Variants in CDC42SE1 observed in about 807,000 individuals in gnomAD.
The protein encoded by CDC42SE1 is CDC42 small effector protein 1.
Under a neutral mutation model 10.9 loss-of-function variants are expected in CDC42SE1, and 10 were observed. The observed-to-expected ratio is 0.92, with a 90% CI of 0.57 to 1.56. The LOEUF is 1.56. CDC42SE1 is among the 40% of genes most tolerant of loss of function. The pLI, the probability that CDC42SE1 is intolerant of heterozygous loss-of-function variation, is 0.00. For synonymous variants in CDC42SE1, 24 were observed against 32.0 expected (o/e 0.75, Z 0.85); for missense variants, 81 against 100.8 (o/e 0.80, Z 0.84).
intron 1 of CDC42SE1, among the ~76,000 whole-genome samples, 164 bp from the exon 2 acceptor site, chr1:151,056,157 TA>T (rs1046633429): frequency 1.3e-5 from 2 of 151,590 alleles, no homozygotes; most frequent in East Asian, 3.9e-4. Context: ...AGTTTGACTC[TA>T]AAAAAAAGGA....
chr1:151,052,742 G>C lies in CDC42SE1; in HGVS notation c.*602C>G, dbSNP rs587747336. On this transcript the variant is annotated 3_prime_UTR_variant, in exon 5 of 5. Coordinates refer to ENST00000357235, the MANE Select transcript of CDC42SE1 (RefSeq NM_020239.4). ...GGTAAACAGAAACAGAAGATTAGAG[G>C]CCTAACTAGAAAGAGACACTGGTGT... 1 of 152,338 alleles carries C rather than the reference G, an allele frequency of 6.6e-6. No individual in the cohort carries two copies. The highest frequency in any genetic ancestry group is 2.1e-4 in the South Asian group (1 of 4,822). The allele number at this position is 152,338 out of a possible 1,614,324, so 9.4% of individuals were successfully genotyped here. A position where few individuals can be genotyped will look rare whatever the true frequency, so the allele number is the denominator to read the frequency against.
At chr1:151,054,414 A>C in intron 3 of CDC42SE1, 93 bp from the exon 4 acceptor site, 1 of 998,598 alleles carries the variant, frequency 1.0e-6, no homozygotes, top group African/African-American at 1.6e-5. Context: ...GGCTGACGCC[A>C]TCTCCTTGAC....
At chr1:151,055,442 C>T (rs774097848) in intron 2 of CDC42SE1, 23 of 602,480 alleles carry the variant, frequency 3.8e-5, no homozygotes, top group Non-Finnish European at 6.2e-5. Flanking sequence ...CACCTACAAA[C>T]CCCACCCAGC....
intron 1 of CDC42SE1, chr1:151,056,728 A>C (rs916365830): frequency 3.3e-5 from 5 of 151,926 alleles, no homozygotes; most frequent in Admixed American, 1.3e-4. Context: ...CTGTGTGTAC[A>C]CCTCTGTTTG....
chr1:151,056,225 G>A (rs1676275187), intron 1 of CDC42SE1, among the ~76,000 whole-genome samples: 1 of 152,174 alleles, frequency 6.6e-6, no homozygotes. Context: ...TACCAAGGGA[G>A]AGGAAGGGGG....
In CDC42SE1 at chr1:151,051,827, G is replaced by A. The variant is rs1676188594; in HGVS notation, c.*1517C>T. 6.6e-6 allele frequency: 1 copy of A among 152,480 alleles called. No individual in the cohort carries two copies. The highest frequency in any genetic ancestry group is 2.4e-5 in the African/African-American group (1 of 41,380). The allele number at this position is 152,480 out of a possible 1,614,324, so 9.4% of individuals were successfully genotyped here. On this transcript the variant is annotated 3_prime_UTR_variant, in exon 5 of 5. Transcript: ENST00000357235. ...GGGGAGGATAAGGAGTGTATCTACT[G>A]CTTCTCTCTCCCCTTTCCCCAATCC...
chr1:151,052,134 G>C lies in CDC42SE1; in HGVS notation c.*1210C>G, dbSNP rs1676194606. 1 of 152,146 alleles carries C rather than the reference G, an allele frequency of 6.6e-6. No individual in the cohort carries two copies. Among genetic ancestry groups the C allele is most frequent in the Admixed American group, 6.5e-5 (1 of 15,268 alleles). The allele number at this position is 152,146 out of a possible 1,614,324, so 9.4% of individuals were successfully genotyped here. ...ACTTTAGAGTTGTGGTTCTCAAATG[G>C]AGGCGATTTTGCCCCCTAGGAGAAA... On this transcript the variant is annotated 3_prime_UTR_variant, in exon 5 of 5. Transcript: ENST00000357235.
At position 151,056,349 on chromosome 1, in the gene CDC42SE1, AG is replaced by A. The variant is rs1676278266; in HGVS notation, c.-263-357del. ...CCCTTCTCTCTGAGTTTAGGGCAGA[AG>A]GGGAGGGGCATTTAAGTGACTCTGA... On this transcript the variant is annotated intron_variant, in intron 1 of 4. Transcript: ENST00000357235. Among the ~76,000 whole-genome samples, 3 of 152,256 alleles carry A rather than the reference AG, an allele frequency of 2.0e-5. No homozygotes were observed. The South Asian group carries it at 6.2e-4, about 32-fold the overall frequency.
At chr1:151,054,677 A>G (rs966693891) in intron 3 of CDC42SE1, among the ~76,000 whole-genome samples, 4 of 152,154 alleles carry the variant, frequency 2.6e-5, no homozygotes, top group Non-Finnish European at 4.4e-5. Context: ...TCCTGTCCCA[A>G]CACTCCTAAA....
chr1:151,053,678 C>T (rs1455802663), intron 4 of CDC42SE1, among the ~76,000 whole-genome samples: 1 of 152,000 alleles, frequency 6.6e-6, no homozygotes, highest in Non-Finnish European at 1.5e-5. Flanking sequence ...GACAGGGGTT[C>T]ACCATGTTGG....
At chr1:151,056,767 G>A (rs1186660316) in intron 1 of CDC42SE1, 12 of 152,270 alleles carry the variant, frequency 7.9e-5, no homozygotes, top group African/African-American at 2.9e-4. Context: ...ATATCTCCAC[G>A]TGTGTCCAGT....
rs1008383860 is a variant in CDC42SE1, at chr1:151,055,193, A to C, written c.55-67T>G. The C allele has an allele frequency of 5.8e-6, 7 of 1,204,632 alleles. 1 individual carries two copies. Among genetic ancestry groups the C allele is most frequent in the South Asian group, 3.6e-5 (3 of 82,496 alleles). 74.6% of individuals were successfully genotyped at this position (1,204,632 alleles called of 1,614,324 possible). ...TCCAGTCAGCACGGAGGAAGGGAAA[A>C]GAGTCTTCAAAACCACTGAAAAGCT... On this transcript the variant is annotated intron_variant, in intron 2 of 4. Coordinates refer to ENST00000357235, the MANE Select transcript of CDC42SE1 (RefSeq NM_020239.4).
In CDC42SE1 at chr1:151,055,141, T is replaced by C. The variant is rs762772377; in HGVS notation, c.55-15A>G. On this transcript the variant is annotated splice_polypyrimidine_tract_variant and intron_variant, in intron 2 of 4. Transcript: ENST00000357235. ...CTCTTCTTCTTCTGCTTGGAGAAGA[T>C]AAGGAGTCATGTCTTAAGGCCCCTC... The C allele has an allele frequency of 1.4e-5, 22 of 1,585,098 alleles. No individual in the cohort carries two copies. The South Asian group carries it at 2.4e-4, about 18-fold the overall frequency.
chr1:151,059,105 T>TC (rs1385560988), intron 1 of CDC42SE1: 1 of 151,952 alleles, frequency 6.6e-6, no homozygotes, highest in African/African-American at 2.4e-5. Context: ...GCCCTAAGCC[T>TC]CCCCTCCCCA....
intron 4 of CDC42SE1, among the ~76,000 whole-genome samples, chr1:151,053,586 AT>A (rs1676225049): frequency 6.6e-6 from 1 of 151,878 alleles, no homozygotes; most frequent in Non-Finnish European, 1.5e-5. Flanking sequence ...AGTTCAAGTG[AT>A]TCTTCGGCCT....
chr1:151,053,043 A>G lies in CDC42SE1; in HGVS notation c.*301T>C. ...CATTCAGGAGACAGGAACTCATTCCAGGTTCCTAGAGAACTCCTATCTCAG... is the reference window on the plus strand; with the variant it reads ...CATTCAGGAGACAGGAACTCATTCCGGGTTCCTAGAGAACTCCTATCTCAG... On this transcript the variant is annotated 3_prime_UTR_variant, in exon 5 of 5. Transcript: ENST00000357235. 1 of 152,868 alleles carries G rather than the reference A, an allele frequency of 6.5e-6. No homozygotes were observed. Among genetic ancestry groups the G allele is most frequent in the African/African-American group, 2.4e-5 (1 of 41,594 alleles). 9.5% of individuals were successfully genotyped at this position (152,868 alleles called of 1,614,324 possible).
chr1:151,054,266 C>T lies in CDC42SE1; in HGVS notation c.221G>A (p.Ser74Asn), dbSNP rs759108923. 2.1e-5 allele frequency: 34 copies of T among 1,613,450 alleles called. No homozygotes were observed. The South Asian group carries it at 3.5e-4, about 17-fold the overall frequency. The change falls in exon 4 of 5, where the codon AGC becomes AAC. Residue 74 changes from serine (S) to asparagine (N), a missense_variant. Coordinates refer to ENST00000357235, the MANE Select transcript of CDC42SE1 (RefSeq NM_020239.4). ...TTGGAGCTATAAGCCCCTAGAATTG[C>T]TCCATGGCCTATCTCGGTTTCCCTT... ...RSKGNRDRPW[S>N]NSRGL
At chr1:151,056,174 A>G (rs1014996567) in intron 1 of CDC42SE1, among the ~76,000 whole-genome samples, 181 bp from the exon 2 acceptor site, 1 of 152,132 alleles carries the variant, frequency 6.6e-6, no homozygotes, top group Non-Finnish European at 1.5e-5. Flanking sequence ...AAGGAACAGA[A>G]CCAAAAGGAC....
chr1:151,054,893 C>A, intron 3 of CDC42SE1, 123 bp downstream of exon 3: 1 of 715,982 alleles, frequency 1.4e-6, no homozygotes, highest in Non-Finnish European at 2.4e-6. Context: ...GTGACCAGGA[C>A]TAGAATCCCA....
Sources: allele counts gnomAD v4.1 joint callset (sites outside exome capture counted in the v4.1 genomes callset), GRCh38; gene constraint gnomAD v4.1.1; transcripts MANE v1.5; gene names NCBI Gene and HGNC (gene_info 2026-07-23, HGNC 2026-07-21).